NRG1: variants seen among roughly 807,000 people sequenced by gnomAD.
The protein encoded by NRG1 is pro-neuregulin-1, membrane-bound isoform.
In NRG1, 18 loss-of-function variants were observed where a neutral mutation model predicts 63.8. That is an observed-to-expected ratio of 0.28 (90% confidence interval 0.19 to 0.42). The LOEUF (loss-of-function observed/expected upper bound fraction) is 0.42, where lower values mean the gene tolerates loss of function less well. Ranked by LOEUF, NRG1 falls within the 10% of genes least tolerant of loss-of-function variation. The probability of loss-of-function intolerance (pLI) is 1.00; values close to 1 mark genes in which losing one functional copy is unlikely to be tolerated. For synonymous variants in NRG1, 302 were observed against 301.3 expected (o/e 1.00, Z -0.02); for missense variants, 762 against 814.7 (o/e 0.94, Z 0.79).
intron 3 of NRG1, among the ~76,000 whole-genome samples, chr8:32,606,294 TTAGG>T (rs369832860): frequency 6.1e-4 from 93 of 151,904 alleles, no homozygotes; most frequent in Non-Finnish European, 1.1e-3. Flanking sequence ...ACATCTGGCA[TTAGG>T]TAGTAGAAAG....
chr8:32,565,487 C>T (rs912680911), intron 1 of NRG1, among the ~76,000 whole-genome samples: 6 of 152,106 alleles, frequency 3.9e-5, no homozygotes, highest in African/African-American at 1.2e-4. Flanking sequence ...ACTTCCCTCA[C>T]GTTTCCCATC....
intron 1 of NRG1, among the ~76,000 whole-genome samples, chr8:31,824,293 C>T (rs898117867): frequency 8.0e-5 from 12 of 150,576 alleles, no homozygotes; most frequent in South Asian, 6.3e-4. Context: ...TTTGTCCTTG[C>T]GATAGTTTGC....
At chr8:32,354,447 T>G (rs1340778196) in intron 1 of NRG1, among the ~76,000 whole-genome samples, 3 of 151,958 alleles carry the variant, frequency 2.0e-5, no homozygotes, top group Non-Finnish European at 4.4e-5. Context: ...ATATAAAAAT[T>G]TTTCTCTGTT....
intron 5 of NRG1, among the ~76,000 whole-genome samples, chr8:32,699,780 C>A (rs1231208816): frequency 2.0e-5 from 3 of 152,026 alleles, no homozygotes; most frequent in Non-Finnish European, 4.4e-5. Context: ...CCTATAATGT[C>A]AATGTGTAAA....
At chr8:32,226,785 C>T (rs186540390) in intron 1 of NRG1, among the ~76,000 whole-genome samples, 3 of 152,246 alleles carry the variant, frequency 2.0e-5, no homozygotes, top group Non-Finnish European at 2.9e-5. Flanking sequence ...TCTGGCTGCA[C>T]TGTATGGGAA....
chr8:31,639,271 T>C (rs1219319506), exon 1 of NRG1: 1 of 1,227,470 alleles, frequency 8.1e-7, no homozygotes, highest in Admixed American at 2.0e-5. Flanking sequence ...CCACTCGGAC[T>C]GCAGCCTGTT....
At chr8:31,947,270 G>T (rs1169824405) in intron 1 of NRG1, among the ~76,000 whole-genome samples, 2 of 146,964 alleles carry the variant, frequency 1.4e-5, no homozygotes, top group African/African-American at 5.2e-5. Context: ...ACTGCAGTCC[G>T]CAGTCCGGCC....
chr8:32,019,511 C>A (rs1260824102), intron 1 of NRG1, among the ~76,000 whole-genome samples: 1 of 152,118 alleles, frequency 6.6e-6, no homozygotes, highest in Non-Finnish European at 1.5e-5. Context: ...TTAATAATGT[C>A]TTTTGATGTA....
chr8:32,233,461 A>G (rs939949803), intron 1 of NRG1, among the ~76,000 whole-genome samples: 46 of 150,868 alleles, frequency 3.0e-4, no homozygotes, highest in Admixed American at 1.6e-3. Flanking sequence ...TGAAAAGGCT[A>G]TAAAAGTATG....
At chr8:31,775,448 A>G (rs1819026091) in intron 1 of NRG1, among the ~76,000 whole-genome samples, 1 of 152,318 alleles carries the variant, frequency 6.6e-6, no homozygotes, top group Admixed American at 6.5e-5. Context: ...AGCACAGAGG[A>G]TGGGAGGGGT....
intron 5 of NRG1, among the ~76,000 whole-genome samples, chr8:32,660,857 C>T (rs1477083687): frequency 2.0e-5 from 3 of 152,188 alleles, no homozygotes; most frequent in Non-Finnish European, 4.4e-5. Context: ...GCAGTTTTAA[C>T]AATTAAAGTG....
intron 1 of NRG1, among the ~76,000 whole-genome samples, chr8:31,789,760 C>A (rs2131653647): frequency 6.6e-6 from 1 of 152,222 alleles, no homozygotes; most frequent in African/African-American, 2.4e-5. Flanking sequence ...TATGATGGTT[C>A]TGGATTGTAA....
intron 1 of NRG1, among the ~76,000 whole-genome samples, chr8:31,966,331 A>G (rs1367659806): frequency 6.6e-6 from 1 of 152,226 alleles, no homozygotes; most frequent in Non-Finnish European, 1.5e-5. Context: ...TTGCTTTTGC[A>G]TTCTGGAGTA....
intron 1 of NRG1, among the ~76,000 whole-genome samples, chr8:31,716,523 A>C (rs1812364979): frequency 1.3e-5 from 2 of 152,248 alleles, no homozygotes; most frequent in Admixed American, 6.5e-5. Flanking sequence ...GTGCTCTTCA[A>C]ACATTATCAG....
intron 1 of NRG1, among the ~76,000 whole-genome samples, chr8:32,478,232 GGGAGGCATTTGCCCAGT>G (rs1170452717): frequency 4.0e-5 from 6 of 151,312 alleles, no homozygotes; most frequent in African/African-American, 1.5e-4. Context: ...CCCTTAAGCA[GGGAGGCATTTGCCCAGT>G]GGGCTTCTTC....
At chr8:31,705,327 T>G (rs994696757) in intron 1 of NRG1, among the ~76,000 whole-genome samples, 1 of 152,136 alleles carries the variant, frequency 6.6e-6, no homozygotes, top group African/African-American at 2.4e-5. Flanking sequence ...ATTACAGGCG[T>G]GAGCCACCGC....
intron 1 of NRG1, among the ~76,000 whole-genome samples, chr8:32,289,323 A>G (rs1378335949): frequency 2.0e-5 from 3 of 152,116 alleles, no homozygotes; most frequent in African/African-American, 7.2e-5. Flanking sequence ...CTACAGAGCA[A>G]GGACCCCTCT....
intron 1 of NRG1, among the ~76,000 whole-genome samples, chr8:32,578,152 G>GCC (rs1398050875): frequency 6.6e-6 from 1 of 151,958 alleles, no homozygotes; most frequent in East Asian, 1.9e-4. Flanking sequence ...CTGCCACCAC[G>GCC]CCCGGATAAT....
chr8:32,116,278 A>G (rs976252623), intron 1 of NRG1, among the ~76,000 whole-genome samples: 2 of 152,110 alleles, frequency 1.3e-5, no homozygotes, highest in African/African-American at 4.8e-5. Flanking sequence ...AACTCTGGGA[A>G]GCTTTCTAAA....
Sources: gnomAD v4.1 joint callset for allele counts (sites outside exome capture counted in the v4.1 genomes callset) on GRCh38, gnomAD v4.1.1 for gene constraint, MANE v1.5 for transcripts, NCBI Gene and HGNC (gene_info 2026-07-23, HGNC 2026-07-21) for gene names.